The following GLT6D1 variants were observed in gnomAD, a reference collection of about 807,000 sequenced individuals.
GLT6D1 encodes putative glycosyltransferase 6 domain-containing protein 1.
A neutral mutation model predicts 12.3 loss-of-function variants in GLT6D1; 9 were observed. The observed-to-expected ratio is 0.73, with a 90% CI of 0.44 to 1.27. GLT6D1 has a LOEUF of 1.27. Ranked by LOEUF, GLT6D1 falls within the 50% of genes most tolerant of loss-of-function variation. The pLI is 0.00. For missense variants in GLT6D1, 335 were observed against 346.2 expected (o/e 0.97, Z 0.26); for synonymous variants, 128 against 132.3 (o/e 0.97, Z 0.23).
upstream of GLT6D1, among the ~76,000 whole-genome samples, chr9:135,641,070 A>G (rs912638788): frequency 6.6e-6 from 1 of 152,186 alleles, no homozygotes; most frequent in Non-Finnish European, 1.5e-5. Flanking sequence ...CAATCATCCA[A>G]ACTTTCCTAG....
chr9:135,624,757 T>C, intron 4 of GLT6D1, 87 bp from the exon 5 acceptor site: 21 of 788,652 alleles, frequency 2.7e-5, no homozygotes, highest in Admixed American at 3.7e-5. Flanking sequence ...TGAGATGGAG[T>C]CTCCCTCTGA....
chr9:135,638,109 G>A (rs2119155403), intron 2 of GLT6D1, among the ~76,000 whole-genome samples: 1 of 152,312 alleles, frequency 6.6e-6, no homozygotes, highest in African/African-American at 2.4e-5. Flanking sequence ...TCAGAATCAT[G>A]GCAGGAGGCA....
chr9:135,623,996 G>T lies in GLT6D1; in HGVS notation c.*101C>A. The T allele has an allele frequency of 1.3e-6, 1 of 751,118 alleles. No homozygotes were observed. 46.5% of individuals were successfully genotyped at this position (751,118 alleles called of 1,614,324 possible). The stretch of plus-strand genomic sequence containing the variant: ...ATTTATTCGTCATAAACCTCATGGC[G>T]TAATTCATAATTTCCTCTGGGAATC... On this transcript the variant is annotated 3_prime_UTR_variant, in exon 5 of 5. Coordinates refer to ENST00000371763, the MANE Select transcript of GLT6D1 (RefSeq NM_182974.3).
chr9:135,637,632 C>T (rs1038270208), intron 2 of GLT6D1, among the ~76,000 whole-genome samples: 3 of 152,094 alleles, frequency 2.0e-5, no homozygotes, highest in Admixed American at 6.6e-5. Flanking sequence ...GTTGCAATTT[C>T]CTGATGACAA....
chr9:135,627,776 TC>T (rs1315916701), intron 3 of GLT6D1, among the ~76,000 whole-genome samples: 1 of 152,174 alleles, frequency 6.6e-6, no homozygotes, highest in Non-Finnish European at 1.5e-5. Flanking sequence ...CATTTTACAT[TC>T]CCACCAAAAG....
intron 3 of GLT6D1, among the ~76,000 whole-genome samples, chr9:135,627,556 T>C (rs1833550173): frequency 1.3e-5 from 2 of 152,252 alleles, no homozygotes; most frequent in African/African-American, 4.8e-5. Context: ...ACATTTTGTT[T>C]ATATGTTCAT....
intron 4 of GLT6D1, among the ~76,000 whole-genome samples, chr9:135,625,573 T>C: frequency 6.6e-6 from 1 of 152,216 alleles, no homozygotes; most frequent in Non-Finnish European, 1.5e-5. Flanking sequence ...CTTTGTCTGT[T>C]CTTATCAGCC....
Position 135,624,049 on chromosome 9 carries a change from TG to T in GLT6D1, c.*47del. 1 of 1,170,674 alleles carries T rather than the reference TG, an allele frequency of 8.5e-7. No homozygotes were observed. The highest frequency in any genetic ancestry group is 1.3e-5 in the South Asian group (1 of 74,782). 72.5% of individuals were successfully genotyped at this position (1,170,674 alleles called of 1,614,324 possible). ...GTGCGACCTTGACGTATTGGATCTG[TG>T]GAGGAGGAGAAAATGCAAGATCCCA... On this transcript the variant is annotated 3_prime_UTR_variant, in exon 5 of 5. Transcript: ENST00000371763.
chr9:135,629,824 G>A (rs1282272748), intron 3 of GLT6D1, among the ~76,000 whole-genome samples: 3 of 152,020 alleles, frequency 2.0e-5, no homozygotes, highest in Non-Finnish European at 4.4e-5. Flanking sequence ...TGATCCTTTT[G>A]TCATTATAAA....
Position 135,624,662 on chromosome 9 carries a change from T to C in GLT6D1, c.266A>G (p.Glu89Gly). The C allele has an allele frequency of 6.5e-7, 1 of 1,541,632 alleles. No homozygotes were observed. The highest frequency in any genetic ancestry group is 1.3e-5 in the South Asian group (1 of 79,726). Reference protein sequence around the residue: ...LAVFATGRFAEEYLRPFLHSA... With the variant: ...LAVFATGRFAGEYLRPFLHSA... ...GTGTAGGAACGGCCTCAGGTACTCC[T>C]CTGCAAACCTAGGAAACACACAGTG... The change falls in exon 5 of 5, where the codon GAG becomes GGG. Residue 89 changes from glutamate (E) to glycine (G), a missense_variant. Glu to Gly is a moderately conservative substitution (Grantham distance 98, BLOSUM62 -2). Coordinates refer to ENST00000371763, the MANE Select transcript of GLT6D1 (RefSeq NM_182974.3).
At position 135,626,200 on chromosome 9, in the gene GLT6D1, G is replaced by A. The variant is rs1299906541; in HGVS notation, c.126C>T (p.Arg42=). 3.7e-6 allele frequency: 6 copies of A among 1,613,606 alleles called. No homozygotes were observed. Among genetic ancestry groups the A allele is most frequent in the African/African-American group, 2.7e-5 (2 of 74,902 alleles). The change falls in exon 4 of 5, where the codon CGC becomes CGT. Residue 42 remains arginine, a synonymous_variant. Transcript: ENST00000371763. ...AGTCTGTTTTCGTTATAACATCAGGGCGTTTTCTGTGGAACAAGAACCAAG... is the reference window on the plus strand; with the variant it reads ...AGTCTGTTTTCGTTATAACATCAGGACGTTTTCTGTGGAACAAGAACCAAG... ...RLSDWFHPRK[R]PDVITKTDWL...
At chr9:135,637,508 GCAAT>G (rs1833802985) in intron 2 of GLT6D1, among the ~76,000 whole-genome samples, 1 of 151,846 alleles carries the variant, frequency 6.6e-6, no homozygotes, top group African/African-American at 2.4e-5. Flanking sequence ...ATTCCCACCA[GCAAT>G]GAATGAGAGT....
At position 135,624,182 on chromosome 9, in the gene GLT6D1, C is replaced by G. The variant is rs748614228; in HGVS notation, c.746G>C (p.Gly249Ala). The part of the protein sequence containing the change: ...ILDFIKEYLN[G>A]VIHDIKNGLN... ...TCCATTTTTGATGTCATGAATAACT[C>G]CGTTCAGATATTCTTTGATGAAGTC... Residue 249 changes from glycine (G) to alanine (A), a missense_variant, in exon 5 of 5, where the codon GGA (glycine) becomes GCA (alanine). Physicochemically the swap from Gly to Ala is moderately conservative, Grantham distance 60. Coordinates refer to ENST00000371763, the MANE Select transcript of GLT6D1 (RefSeq NM_182974.3). 2 of 1,612,746 alleles carry G rather than the reference C, an allele frequency of 1.2e-6. No homozygotes were observed. The highest frequency in any genetic ancestry group is 8.5e-7 in the Non-Finnish European group (1 of 1,179,576).
chr9:135,627,530 A>T (rs1833549689), intron 3 of GLT6D1, among the ~76,000 whole-genome samples: 1 of 152,218 alleles, frequency 6.6e-6, no homozygotes. Flanking sequence ...ATAATATTCC[A>T]TTGGATGGCT....
At chr9:135,640,131 T>C (rs765401170), upstream of GLT6D1, among the ~76,000 whole-genome samples, 2 of 152,168 alleles carry the variant, frequency 1.3e-5, no homozygotes, top group African/African-American at 4.8e-5. Flanking sequence ...TCTGCACTGA[T>C]AGCCATAGAG....
In GLT6D1 at chr9:135,624,397, GA is replaced by G; in HGVS notation, c.530del (p.Val177AlafsTer54). 1.2e-6 allele frequency: 2 copies of G among 1,614,172 alleles called. No homozygotes were observed. The highest frequency in any genetic ancestry group is 1.7e-6 in the Non-Finnish European group (2 of 1,180,036). On this transcript the variant is annotated frameshift_variant, in exon 5 of 5. Coordinates refer to ENST00000371763, the MANE Select transcript of GLT6D1 (RefSeq NM_182974.3). LOFTEE classifies it low-confidence loss of function (END_TRUNC). ...DFLFSMAANQ[V>X]FQNEFGVETL... is the part of the protein sequence containing the mutation. ...TCTCCACCCCGAACTCATTCTGGAA[GA>G]CCTGGTTGGCAGCCATGCTGAAGAG...
At chr9:135,626,337 A>C in intron 3 of GLT6D1, 131 bp from the exon 4 acceptor site, 1 of 877,808 alleles carries the variant, frequency 1.1e-6, no homozygotes, top group Non-Finnish European at 1.8e-6. Context: ...GCATCATCCC[A>C]CTGGATTCAT....
chr9:135,632,486 GTC>G (rs1564276256), intron 2 of GLT6D1, among the ~76,000 whole-genome samples: 1 of 152,026 alleles, frequency 6.6e-6, no homozygotes, highest in Non-Finnish European at 1.5e-5. Flanking sequence ...AATCCAAACT[GTC>G]CATGCCAGAC....
intron 2 of GLT6D1, among the ~76,000 whole-genome samples, chr9:135,636,276 C>T (rs1833770220): frequency 6.6e-6 from 1 of 152,168 alleles, no homozygotes; most frequent in Non-Finnish European, 1.5e-5. Context: ...ATCGCTTGAA[C>T]CAAGGAGGCA....
Sources: gnomAD v4.1 joint callset for allele counts (sites outside exome capture counted in the v4.1 genomes callset) on GRCh38, gnomAD v4.1.1 for gene constraint, MANE v1.5 for transcripts, NCBI Gene and HGNC (gene_info 2026-07-23, HGNC 2026-07-21) for gene names.